SLC17A5: variants seen among roughly 807,000 people sequenced by gnomAD.
The protein encoded by SLC17A5 is sialin.
In SLC17A5, 47 loss-of-function variants were observed where a neutral mutation model predicts 59.4. That is an observed-to-expected ratio of 0.79 (90% CI 0.63 to 1.01). The LOEUF (loss-of-function observed/expected upper bound fraction) is 1.01, where lower values mean the gene tolerates loss of function less well. Ranked by LOEUF, SLC17A5 falls within the 50% of genes least tolerant of loss-of-function variation. SLC17A5 has a pLI of 0.00. For missense variants in SLC17A5, 522 were observed against 595.5 expected, an observed-to-expected ratio of 0.88 and a Z score of 1.28; for synonymous variants, 202 against 210.7, an observed-to-expected ratio of 0.96 and a Z score of 0.36.
At position 73,636,703 on chromosome 6, in the gene SLC17A5, T is replaced by C; in HGVS notation, c.618A>G (p.Ala206=). The C allele has an allele frequency of 6.2e-7, 1 of 1,607,314 alleles. No individual in the cohort carries two copies. Among genetic ancestry groups the C allele is most frequent in the Admixed American group, 1.7e-5 (1 of 60,010 alleles). Reference sequence around the variant, plus strand: ...GAAGAGAAATTACTGTCCCAAGCTGTGCTCCTAGAACAACACATAAGACTA... The same window carrying C: ...GAAGAGAAATTACTGTCCCAAGCTGCGCTCCTAGAACAACACATAAGACTA... ...SKLLSISYAG[A]QLGTVISLPL... The change falls in exon 5 of 11, where the codon GCA becomes GCG. Residue 206 remains alanine, a synonymous_variant. Transcript: ENST00000355773.
chr6:73,634,045 C>T (rs1768889958), intron 6 of SLC17A5, among the ~76,000 whole-genome samples: 2 of 151,962 alleles, frequency 1.3e-5, no homozygotes, highest in Admixed American at 1.3e-4. Context: ...TTATGTTCTT[C>T]TTTTATTCTA....
intron 6 of SLC17A5, among the ~76,000 whole-genome samples, chr6:73,627,859 C>A (rs1032215542): frequency 6.6e-6 from 1 of 151,686 alleles, no homozygotes; most frequent in African/African-American, 2.4e-5. Flanking sequence ...GAACTCCTAA[C>A]CTCAGGCGAT....
intron 1 of SLC17A5, among the ~76,000 whole-genome samples, chr6:73,652,183 A>G (rs1769904161): frequency 6.6e-6 from 1 of 152,264 alleles, no homozygotes; most frequent in Non-Finnish European, 1.5e-5. Context: ...GTTGTAACAA[A>G]CGTAGCCACC....
At chr6:73,613,177 A>G (rs1426933009) in intron 8 of SLC17A5, among the ~76,000 whole-genome samples, 2 of 152,220 alleles carry the variant, frequency 1.3e-5, no homozygotes, top group East Asian at 3.9e-4. Context: ...GAAACTTAAA[A>G]TGCATTCACT....
intron 10 of SLC17A5, among the ~76,000 whole-genome samples, chr6:73,599,864 T>C (rs540469829): frequency 1.3e-5 from 2 of 152,236 alleles, no homozygotes; most frequent in Admixed American, 6.5e-5. Flanking sequence ...AGTGGTGATG[T>C]TGGCTTACTG....
intron 8 of SLC17A5, among the ~76,000 whole-genome samples, chr6:73,613,570 G>T (rs538630495): frequency 6.6e-6 from 1 of 152,220 alleles, no homozygotes; most frequent in African/African-American, 2.4e-5. Flanking sequence ...CACCATGTTG[G>T]TCAGACTGGT....
chr6:73,640,088 C>T (rs1264114956), intron 3 of SLC17A5, among the ~76,000 whole-genome samples: 1 of 152,002 alleles, frequency 6.6e-6, no homozygotes, highest in Non-Finnish European at 1.5e-5. Context: ...TAAAATGTCA[C>T]CTGAGATAAC....
At chr6:73,596,351 C>T (rs564439219) in intron 10 of SLC17A5, among the ~76,000 whole-genome samples, 17 of 152,092 alleles carry the variant, frequency 1.1e-4, no homozygotes, top group African/African-American at 3.6e-4. Context: ...CAGAGAGAGG[C>T]CTGGCAAGTA....
chr6:73,642,457 A>T (rs1240297314), intron 2 of SLC17A5, among the ~76,000 whole-genome samples: 1 of 152,372 alleles, frequency 6.6e-6, no homozygotes, highest in East Asian at 1.9e-4. Flanking sequence ...GGCACATAAA[A>T]TAAGGCTTGA....
intron 9 of SLC17A5, among the ~76,000 whole-genome samples, chr6:73,601,217 C>A (rs1217394711): frequency 2.1e-5 from 3 of 145,018 alleles, no homozygotes; most frequent in East Asian, 2.1e-4. Flanking sequence ...ATGTGAGGAG[C>A]GCCTCTGCCT....
At chr6:73,633,504 T>C (rs1768859989) in intron 6 of SLC17A5, among the ~76,000 whole-genome samples, 1 of 151,814 alleles carries the variant, frequency 6.6e-6, no homozygotes, top group Non-Finnish European at 1.5e-5. Context: ...AGTGCTGGGA[T>C]TACAGGCGTA....
intron 2 of SLC17A5, among the ~76,000 whole-genome samples, chr6:73,642,746 T>TCC (rs1457151798): frequency 2.6e-5 from 4 of 152,356 alleles, no homozygotes; most frequent in African/African-American, 9.6e-5. Context: ...CAAGAACCAT[T>TCC]CCGGGATTTC....
intron 6 of SLC17A5, 139 bp downstream of exon 6, chr6:73,635,243 T>G (rs553047421): frequency 1.7e-6 from 1 of 596,864 alleles, no homozygotes; most frequent in African/African-American, 1.9e-5. Flanking sequence ...CAGACAATAC[T>G]TTGGATGTTC....
At chr6:73,637,489 G>A (rs1307756207) in intron 4 of SLC17A5, among the ~76,000 whole-genome samples, 2 of 152,138 alleles carry the variant, frequency 1.3e-5, no homozygotes, top group Admixed American at 6.5e-5. Flanking sequence ...AAATGTAATT[G>A]AATCATGCCT....
chr6:73,653,529 C>G (rs1482327199), intron 1 of SLC17A5: 2 of 948,474 alleles, frequency 2.1e-6, no homozygotes, highest in Non-Finnish European at 2.5e-6. Flanking sequence ...CCCGCCCCCG[C>G]CCGGTGGGGC....
In SLC17A5 at chr6:73,641,920, T is replaced by C. The variant is rs781241076; in HGVS notation, c.296A>G (p.Lys99Arg). Residue 99 changes from lysine to arginine, a missense_variant, in exon 3 of 11, where the codon AAG (lysine) becomes AGG (arginine). By Grantham distance (26) the Lys-to-Arg change is conservative. Coordinates refer to ENST00000355773, the MANE Select transcript of SLC17A5 (RefSeq NM_012434.5). ...PIKVHHNQTG[K>R]KYQWDAETQG... ...AGTTTCTGCATCCCATTGGTACTTC[T>C]TACCCTACAAAAATCAGAAAAGAAT... is the stretch of plus-strand genomic sequence containing the variant. 1.2e-6 allele frequency: 2 copies of C among 1,613,552 alleles called. No homozygotes were observed. Among genetic ancestry groups the C allele is most frequent in the Non-Finnish European group, 8.5e-7 (1 of 1,179,454 alleles).
At chr6:73,618,580 A>G (rs1767984607) in intron 7 of SLC17A5, 2 of 517,472 alleles carry the variant, frequency 3.9e-6, no homozygotes, top group South Asian at 3.3e-5. Flanking sequence ...ATGTTCCTTC[A>G]GGAGGAAGCA....
Position 73,644,645 on chromosome 6 carries a change from T to A in SLC17A5, c.95-42A>T, listed in dbSNP as rs4706549. On this transcript the variant is annotated intron_variant, in intron 1 of 10. Transcript: ENST00000355773. ...GGAAAATTTTTATTTATTTTTAAAT[T>A]TTTATTTTTAGAGACAGGGTTTTGC... The A allele has an allele frequency of 0.067, 103,055 of 1,547,662 alleles. 4,737 individuals carry two copies. Among genetic ancestry groups the A allele is most frequent in the Admixed American group, 0.24 (13,444 of 55,806 alleles).
chr6:73,645,789 C>CA (rs58205870), intron 1 of SLC17A5, among the ~76,000 whole-genome samples: 1,255 of 75,080 alleles, frequency 0.017, 16 homozygotes, highest in East Asian at 0.024. Context: ...GACTCCGTCT[C>CA]AAAAAAAAAA....
Sources: allele counts gnomAD v4.1 joint callset (sites outside exome capture counted in the v4.1 genomes callset), GRCh38; gene constraint gnomAD v4.1.1; transcripts MANE v1.5; gene names NCBI Gene and HGNC (gene_info 2026-07-23, HGNC 2026-07-21).